Variants in NAALADL2 observed in about 807,000 individuals in gnomAD.
NAALADL2 encodes inactive N-acetylated-alpha-linked acidic dipeptidase-like protein 2.
Under a neutral mutation model 87.2 loss-of-function variants are expected in NAALADL2, and 76 were observed. The observed-to-expected ratio is 0.87, with a 90% confidence interval of 0.72 to 1.05. NAALADL2 has a LOEUF of 1.05. NAALADL2 is among the 50% of genes least tolerant of loss of function. The pLI is 0.00. For synonymous variants in NAALADL2, 354 were observed against 331.0 expected, an observed-to-expected ratio of 1.07 and a Z score of -0.75; for missense variants, 1,089 against 945.8, an observed-to-expected ratio of 1.15 and a Z score of -1.99.
chr3:174,586,122 G>A (rs1716691895), intron 2 of NAALADL2, among the ~76,000 whole-genome samples: 1 of 152,034 alleles, frequency 6.6e-6, no homozygotes, highest in African/African-American at 2.4e-5. Context: ...ATCACTTCAG[G>A]CAACTTATTA....
At chr3:174,902,858 G>A (rs1732477452) in intron 1 of NAALADL2, among the ~76,000 whole-genome samples, 1 of 152,056 alleles carries the variant, frequency 6.6e-6, no homozygotes, top group South Asian at 2.1e-4. Context: ...ACATGCTTGG[G>A]AAATGTTTGA....
intron 11 of NAALADL2, among the ~76,000 whole-genome samples, chr3:175,641,983 A>T (rs1283871205): frequency 3.9e-5 from 6 of 152,214 alleles, no homozygotes; most frequent in African/African-American, 1.4e-4. Flanking sequence ...TATACAGCAT[A>T]TTTATGTATT....
chr3:175,730,435 T>C (rs1442335557), intron 11 of NAALADL2, among the ~76,000 whole-genome samples: 5 of 82,280 alleles, frequency 6.1e-5, no homozygotes, highest in African/African-American at 1.6e-4. Context: ...TATATATATA[T>C]ATATATATAC....
chr3:175,751,459 T>C (rs1746617894), intron 12 of NAALADL2, among the ~76,000 whole-genome samples: 2 of 152,058 alleles, frequency 1.3e-5, no homozygotes, highest in South Asian at 4.1e-4. Flanking sequence ...CTTTAAAAAA[T>C]GGGTTTGTAG....
intron 4 of NAALADL2, among the ~76,000 whole-genome samples, chr3:175,261,419 G>C (rs957032705): frequency 3.9e-5 from 6 of 152,090 alleles, no homozygotes; most frequent in African/African-American, 1.4e-4. Flanking sequence ...GAAACATGGA[G>C]GTTGGGCTGT....
chr3:174,516,488 G>A (rs1719942160), intron 1 of NAALADL2, among the ~76,000 whole-genome samples: 1 of 151,982 alleles, frequency 6.6e-6, no homozygotes, highest in Non-Finnish European at 1.5e-5. Context: ...CTAACCTAGA[G>A]TTGGGTTTAG....
intron 2 of NAALADL2, among the ~76,000 whole-genome samples, chr3:175,148,078 T>C (rs1454198426): frequency 5.0e-5 from 3 of 60,340 alleles, no homozygotes; most frequent in African/African-American, 9.6e-5. Flanking sequence ...CTCAAAATAA[T>C]AATAATGATA....
intron 5 of NAALADL2, among the ~76,000 whole-genome samples, chr3:175,401,231 G>T (rs1198214558): frequency 1.3e-5 from 2 of 152,040 alleles, no homozygotes; most frequent in Admixed American, 6.6e-5. Flanking sequence ...CCAGTGTGCA[G>T]ATATTATTGT....
chr3:174,656,278 C>G (rs896327172), intron 2 of NAALADL2, among the ~76,000 whole-genome samples: 2 of 152,146 alleles, frequency 1.3e-5, no homozygotes, highest in Non-Finnish European at 2.9e-5. Flanking sequence ...AATTCCCCAT[C>G]ATGCAGAGAG....
chr3:174,832,180 A>C (rs1386356067), intron 3 of NAALADL2, among the ~76,000 whole-genome samples: 2 of 151,702 alleles, frequency 1.3e-5, no homozygotes, highest in African/African-American at 4.8e-5. Context: ...TTGCTTTTCT[A>C]GTTGTTTTAA....
chr3:174,841,564 A>G (rs906780591), intron 3 of NAALADL2, among the ~76,000 whole-genome samples: 2 of 152,336 alleles, frequency 1.3e-5, no homozygotes, highest in Non-Finnish European at 2.9e-5. Flanking sequence ...ATGAGTGACT[A>G]GGTTCTACTT....
At chr3:175,216,820 C>G (rs937785626) in intron 2 of NAALADL2, among the ~76,000 whole-genome samples, 1 of 151,956 alleles carries the variant, frequency 6.6e-6, no homozygotes, top group Non-Finnish European at 1.5e-5. Flanking sequence ...GGGTGCCCCC[C>G]ACAATGCCCA....
intron 10 of NAALADL2, among the ~76,000 whole-genome samples, chr3:175,626,718 A>C (rs2149713951): frequency 6.6e-6 from 1 of 151,956 alleles, no homozygotes; most frequent in Non-Finnish European, 1.5e-5. Flanking sequence ...TTTTCTGACA[A>C]TTCCATCTAT....
At chr3:175,551,936 A>AAAAAAAC in intron 9 of NAALADL2, among the ~76,000 whole-genome samples, 1 of 151,694 alleles carries the variant, frequency 6.6e-6, no homozygotes, top group African/African-American at 2.4e-5. Flanking sequence ...AAAAAAAAAA[A>AAAAAAAC]AAGGGAATTA....
chr3:175,069,550 T>G (rs1200753960), intron 1 of NAALADL2, among the ~76,000 whole-genome samples: 2 of 150,162 alleles, frequency 1.3e-5, no homozygotes, highest in Non-Finnish European at 3.0e-5. Flanking sequence ...AGGAACACTT[T>G]TACAGTGTTG....
chr3:174,556,455 C>G (rs1223364117), intron 2 of NAALADL2, among the ~76,000 whole-genome samples: 1 of 145,766 alleles, frequency 6.9e-6, no homozygotes, highest in African/African-American at 2.5e-5. Context: ...TTTTTTTTTT[C>G]TTTTGCTTGC....
chr3:174,812,093 G>T lies in NAALADL2; in HGVS notation c.-9+74347G>T, dbSNP rs543168248. Among the ~76,000 whole-genome samples, 359 of 152,242 alleles carry T rather than the reference G, an allele frequency of 2.4e-3. 2 individuals are homozygous for T. The highest frequency in any genetic ancestry group is 3.7e-3 in the Non-Finnish European group (250 of 68,022). ...TGCCCTACTTTGTGTACAGCCTGCA[G>T]AACCATGAGCCAATTAATCATCTTT... On this transcript the variant is annotated intron_variant, in intron 3 of 3. Coordinates refer to the NAALADL2 transcript ENST00000434257.
intron 13 of NAALADL2, among the ~76,000 whole-genome samples, chr3:175,790,207 C>G (rs1032915928): frequency 3.3e-5 from 5 of 152,038 alleles, no homozygotes; most frequent in African/African-American, 1.2e-4. Flanking sequence ...ATAAAATTGG[C>G]TAGATAATCT....
At chr3:174,890,312 C>T (rs1730714274) in intron 1 of NAALADL2, among the ~76,000 whole-genome samples, 3 of 151,914 alleles carry the variant, frequency 2.0e-5, no homozygotes, top group African/African-American at 7.3e-5. Context: ...AGTTAATGAG[C>T]TCCTGTTATA....
Sources: allele counts gnomAD v4.1 joint callset (sites outside exome capture counted in the v4.1 genomes callset), GRCh38; gene constraint gnomAD v4.1.1; transcripts MANE v1.5; gene names NCBI Gene and HGNC (gene_info 2026-07-23, HGNC 2026-07-21).